AARS2: variants seen among roughly 807,000 people sequenced by gnomAD.
AARS2 encodes alanyl-tRNA synthetase 2, mitochondrial.
AARS2 carries 78 observed loss-of-function variants against 119.7 expected under a neutral mutation model. The ratio of observed to expected loss-of-function variants is 0.65; its 90% confidence interval spans 0.54 to 0.79. The LOEUF is 0.79. Among genes scored for constraint, AARS2 ranks in the 30% least tolerant of loss-of-function variants. The pLI, the probability that AARS2 is intolerant of heterozygous loss-of-function variation, is 0.00. For missense variants in AARS2, 1,157 were observed against 1,291.3 expected (o/e 0.90, Z 1.59); for synonymous variants, 502 against 526.3 (o/e 0.95, Z 0.63).
chr6:44,303,642 C>T (rs1024558450), intron 14 of AARS2, among the ~76,000 whole-genome samples: 2 of 152,146 alleles, frequency 1.3e-5, no homozygotes, highest in Non-Finnish European at 2.9e-5. Flanking sequence ...AGGCCTTTCA[C>T]CAGGCACCAA....
chr6:44,300,602 G>A lies in AARS2; in HGVS notation c.2903C>T (p.Thr968Ile), dbSNP rs751235289. 6.2e-7 allele frequency: 1 copy of A among 1,614,092 alleles called. No homozygotes were observed. The highest frequency in any genetic ancestry group is 8.5e-7 in the Non-Finnish European group (1 of 1,180,050). ...RVVAQGTGST[T>I]DLEAALSIAQ... The stretch of plus-strand genomic sequence containing the variant: ...TATACTGAGGGCAGCTTCCAGGTCA[G>A]TAGTGCTTCCGGTGCCTTGGGCCAC... Residue 968 changes from threonine (T) to isoleucine (I), a missense_variant, in exon 22 of 22, where the codon ACT (threonine) becomes ATT (isoleucine). Transcript: ENST00000244571.
rs138529623 is a variant in AARS2, at chr6:44,301,000, G to A, written c.2793+156C>T. 5.3e-4 allele frequency: 424 copies of A among 795,862 alleles called. 1 individual carries two copies. In the African/African-American group the frequency reaches 6.3e-3, roughly 12 times the overall value. 49.3% of individuals were successfully genotyped at this position (795,862 alleles called of 1,614,324 possible). On this transcript the variant is annotated intron_variant, in intron 21 of 21. Coordinates refer to ENST00000244571, the MANE Select transcript of AARS2 (RefSeq NM_020745.4). ...CTGGGGTGGGGAGGGGCTGTTTTCA[G>A]GAACAAGGAGATTCCCCATCCCTGT... is the stretch of plus-strand genomic sequence containing the variant.
rs947399918 is a variant in AARS2 at position 44,305,414 on chromosome 6, T to C, written c.1435-216A>G. ...GGGATTAGGCCTTCCTGCCCACTGC[T>C]GCCCCTGGAGGGCCCCTCTCCAGGA... On this transcript the variant is annotated intron_variant, in intron 10 of 21. Transcript: ENST00000244571. This position sits in a 1 kb window ranked among gnomAD's most constrained non-coding sequence, Gnocchi z 4.6. Among the ~76,000 whole-genome samples the C allele has an allele frequency of 6.6e-6, 1 of 152,220 alleles. No homozygotes were observed. The highest frequency in any genetic ancestry group is 6.5e-5 in the Admixed American group (1 of 15,286).
In AARS2 at chr6:44,300,518, G is replaced by C. The variant is rs934176885; in HGVS notation, c.*29C>G. The C allele has an allele frequency of 1.2e-6, 2 of 1,613,720 alleles. No homozygotes were observed. The highest frequency in any genetic ancestry group is 8.5e-7 in the Non-Finnish European group (1 of 1,180,004). On this transcript the variant is annotated 3_prime_UTR_variant, in exon 22 of 22. Transcript: ENST00000244571. ...TTCAGGGCTCCTGGCATTGCCTTTAGTCCATGTGGGTCCCTGGGCGGACCT... is the reference window on the plus strand; with the variant it reads ...TTCAGGGCTCCTGGCATTGCCTTTACTCCATGTGGGTCCCTGGGCGGACCT...
At chr6:44,310,536 A>C (rs1394846736) in intron 4 of AARS2, 93 bp from the exon 5 acceptor site, 1 of 1,529,524 alleles carries the variant, frequency 6.5e-7, no homozygotes, top group African/African-American at 1.4e-5. Flanking sequence ...GGGGGGGCCC[A>C]AGGGAGCTGA....
intron 18 of AARS2, 55 bp downstream of exon 18, chr6:44,302,336 G>T: frequency 6.2e-7 from 1 of 1,613,704 alleles, no homozygotes; most frequent in Non-Finnish European, 8.5e-7. Context: ...GTCCAGGGAG[G>T]AATAGGGGAG....
Position 44,305,092 on chromosome 6 carries a change from G to T in AARS2, c.1541C>A (p.Pro514His). ...RQGVPPTDDS[P>H]KYNYSLRPSG... Reference sequence around the variant, plus strand: ...GGGTCGCAGGGAGTAGTTGTACTTGGGGCTGTCGTCAGTTGGGGGCACTCC... The same window carrying T: ...GGGTCGCAGGGAGTAGTTGTACTTGTGGCTGTCGTCAGTTGGGGGCACTCC... Residue 514 changes from proline to histidine, a missense_variant, in exon 11 of 22, where the codon CCC becomes CAC. By Grantham distance (77) the Pro-to-His change is moderately conservative (BLOSUM62 -2). Coordinates refer to ENST00000244571, the MANE Select transcript of AARS2 (RefSeq NM_020745.4). This position sits in a 1 kb window ranked among gnomAD's most constrained non-coding sequence, Gnocchi z 4.6. 1 of 1,614,098 alleles carries T rather than the reference G, an allele frequency of 6.2e-7. No homozygotes were observed. The highest frequency in any genetic ancestry group is 8.5e-7 in the Non-Finnish European group (1 of 1,180,022).
In AARS2 at chr6:44,302,097, C is replaced by A; in HGVS notation, c.2561G>T (p.Arg854Leu). Residue 854 changes from arginine (R) to leucine (L), a missense_variant, in exon 19 of 22, where the codon CGT becomes CTT. By Grantham distance (102) the Arg-to-Leu change is moderately radical. Coordinates refer to ENST00000244571, the MANE Select transcript of AARS2 (RefSeq NM_020745.4). ...LLATVKMLQRRANTAIRKLQM... is the reference protein window; with the variant it reads ...LLATVKMLQRLANTAIRKLQM... ...CAGCTTACGGATGGCAGTGTTGGCA[C>A]GCCGCTGCAGCATCTTCACTGTGGC... The A allele has an allele frequency of 6.2e-7, 1 of 1,614,014 alleles. No individual in the cohort carries two copies. Among genetic ancestry groups the A allele is most frequent in the East Asian group, 2.2e-5 (1 of 44,876 alleles).
chr6:44,310,153 G>T, intron 5 of AARS2, 146 bp downstream of exon 5: 2 of 1,129,178 alleles, frequency 1.8e-6, no homozygotes, highest in Non-Finnish European at 2.6e-6. Context: ...GAATCCTAGT[G>T]TCTTGCTTGA....
intron 19 of AARS2, among the ~76,000 whole-genome samples, chr6:44,301,800 G>A (rs1325995490): frequency 6.6e-6 from 1 of 152,188 alleles, no homozygotes; most frequent in East Asian, 1.9e-4. Flanking sequence ...GTGCAATCAG[G>A]GCTGAATGGC....
rs1186965985 is a variant in AARS2 at position 44,307,356 on chromosome 6, C to T, written c.933G>A (p.Val311=). The change falls in exon 6 of 22, where the codon GTG becomes GTA. Residue 311 remains valine, a synonymous_variant. Transcript: ENST00000244571. This position sits in a 1 kb window ranked among gnomAD's most constrained non-coding sequence, Gnocchi z 4.4. ...CTGTGTCTGTGCGCCCCTCGTCTGC[C>T]ACCCCTACTCGGCCCAAGTAAGGGG... ...RAPPYLGRVG[V]ADEGRTDTAY... is the part of the protein sequence containing the mutation. 1.9e-6 allele frequency: 3 copies of T among 1,610,416 alleles called. No homozygotes were observed. Among genetic ancestry groups the T allele is most frequent in the Non-Finnish European group, 2.5e-6 (3 of 1,178,562 alleles).
rs143439577 is a variant in AARS2 at position 44,311,448 on chromosome 6, C to T, written c.523G>A (p.Asp175Asn). Residue 175 changes from aspartate to asparagine, a missense_variant, in exon 3 of 22, where the codon GAC becomes AAC. Coordinates refer to ENST00000244571, the MANE Select transcript of AARS2 (RefSeq NM_020745.4). ...ERLWISYFDGDPKAGLDPDLE... is the reference protein window; with the variant it reads ...ERLWISYFDGNPKAGLDPDLE... Reference sequence around the variant, plus strand: ...TCTGGGTCCAGCCCTGCCTTGGGGTCACCATCAAAGTAGGAGATCCAGAGC... The same window carrying T: ...TCTGGGTCCAGCCCTGCCTTGGGGTTACCATCAAAGTAGGAGATCCAGAGC... 1.9e-6 allele frequency: 3 copies of T among 1,613,942 alleles called. No homozygotes were observed. The highest frequency in any genetic ancestry group is 1.7e-6 in the Non-Finnish European group (2 of 1,180,024).
Position 44,300,724 on chromosome 6 carries a change from T to G in AARS2, c.2794-13A>C, listed in dbSNP as rs1561936177. 1 of 1,611,052 alleles carries G rather than the reference T, an allele frequency of 6.2e-7. No individual in the cohort carries two copies. Among genetic ancestry groups the G allele is most frequent in the African/African-American group, 1.3e-5 (1 of 74,890 alleles). On this transcript the variant is annotated splice_polypyrimidine_tract_variant and intron_variant, in intron 21 of 21. Transcript: ENST00000244571. ...TGGGCATGGCACCCTAGGAACAGAATCAGAAGAGGAAGCGATGCAGAGTGG... is the reference window on the plus strand; with the variant it reads ...TGGGCATGGCACCCTAGGAACAGAAGCAGAAGAGGAAGCGATGCAGAGTGG...
At position 44,305,125 on chromosome 6, in the gene AARS2, T is replaced by C. The variant is rs754462031; in HGVS notation, c.1508A>G (p.Gln503Arg). ...GTCAGTTGGGGGCACTCCTTGGCGC[T>C]GCAGCTCCCCAAGCGCATGGACATC... Reference protein sequence around the residue: ...WLDVHALGELQRQGVPPTDDS... With the variant: ...WLDVHALGELRRQGVPPTDDS... Residue 503 changes from glutamine (Q) to arginine (R), a missense_variant, in exon 11 of 22, where the codon CAG becomes CGG. Physicochemically the swap from Gln to Arg is conservative, Grantham distance 43. Transcript: ENST00000244571. The surrounding 1 kb of genome is among the most constrained non-coding windows in gnomAD (Gnocchi z 4.6). The C allele has an allele frequency of 5.0e-6, 8 of 1,613,880 alleles. No homozygotes were observed. The highest frequency in any genetic ancestry group is 3.3e-5 in the Admixed American group (2 of 60,002).
In AARS2 at chr6:44,300,014, C is replaced by T. The variant is rs894466849; in HGVS notation, c.*533G>A. On this transcript the variant is annotated 3_prime_UTR_variant, in exon 22 of 22. Coordinates refer to ENST00000244571, the MANE Select transcript of AARS2 (RefSeq NM_020745.4). ...TAATTATTTGAGACAGAGTCTCGCT[C>T]TGTCACCCAGGCTGGAGTGCAGTGG... 5.7e-6 allele frequency: 1 copy of T among 174,304 alleles called. No homozygotes were observed. Among genetic ancestry groups the T allele is most frequent in the African/African-American group, 2.4e-5 (1 of 41,908 alleles). 10.8% of individuals were successfully genotyped at this position (174,304 alleles called of 1,614,324 possible).
At position 44,300,291 on chromosome 6, in the gene AARS2, T is replaced by C. The variant is rs182434401; in HGVS notation, c.*256A>G. The C allele has an allele frequency of 1.5e-3, 838 of 561,688 alleles. 3 individuals carry two copies. Among genetic ancestry groups the C allele is most frequent in the Non-Finnish European group, 2.2e-3 (692 of 313,982 alleles). 34.8% of individuals were successfully genotyped at this position (561,688 alleles called of 1,614,324 possible). On this transcript the variant is annotated 3_prime_UTR_variant, in exon 22 of 22. Transcript: ENST00000244571. ...ACCACACCCGGCCAGTGAAATAATT[T>C]CTAATGTGCAGTCACAGCCATAATT...
Position 44,301,162 on chromosome 6 carries a change from C to T in AARS2, c.2787G>A (p.Val929=). Residue 929 remains valine (V), a synonymous_variant, in exon 21 of 22, where the codon GTG becomes GTA. Coordinates refer to ENST00000244571, the MANE Select transcript of AARS2 (RefSeq NM_020745.4). Reference sequence around the variant, plus strand: ...GCTCTCCCACTTCCCTCACCTGGGCCACCTGACAGGCACACAGCACCTTCC... The same window carrying T: ...GCTCTCCCACTTCCCTCACCTGGGCTACCTGACAGGCACACAGCACCTTCC... The part of the protein sequence containing the change: ...PMGKVLCACQ[V]AQGAMPTFTA... 6.2e-7 allele frequency: 1 copy of T among 1,613,162 alleles called. No homozygotes were observed. The highest frequency in any genetic ancestry group is 8.5e-7 in the Non-Finnish European group (1 of 1,179,620).
At position 44,301,247 on chromosome 6, in the gene AARS2, C is replaced by T. The variant is rs768583871; in HGVS notation, c.2702G>A (p.Arg901Gln). 58 of 1,613,922 alleles carry T rather than the reference C, an allele frequency of 3.6e-5. No individual in the cohort carries two copies. The Middle Eastern group carries it at 5.0e-4, about 14-fold the overall frequency. ...GCTGGGGGCCTGCTCACACAGCTGC[C>T]GTACCACCTTCACCAGCACCTGGAC... The part of the protein sequence containing the change: ...ESLSVLVKVV[R>Q]QLCEQAPSTS... The change falls in exon 21 of 22, where the codon CGG becomes CAG. Residue 901 changes from arginine (R) to glutamine (Q), a missense_variant. Transcript: ENST00000244571.
chr6:44,311,567 GA>G (rs1786360420), intron 2 of AARS2, 32 bp from the exon 3 acceptor site: 1 of 1,604,848 alleles, frequency 6.2e-7, no homozygotes, highest in Non-Finnish European at 8.5e-7. Context: ...GGTGGGGGGG[GA>G]AGACGGGTGA....
Sources: allele counts gnomAD v4.1 joint callset (sites outside exome capture counted in the v4.1 genomes callset), GRCh38; gene constraint gnomAD v4.1.1; non-coding constraint Gnocchi (gnomAD v3.1); transcripts MANE v1.5; gene names NCBI Gene and HGNC (gene_info 2026-07-23, HGNC 2026-07-21).